RGS7: variants seen among roughly 807,000 people sequenced by gnomAD.
RGS7 encodes the protein regulator of G-protein signaling 7.
In RGS7, 27 loss-of-function variants were observed where a neutral mutation model predicts 81.1. That is an observed-to-expected ratio of 0.33 (90% CI 0.25 to 0.46). The LOEUF (loss-of-function observed/expected upper bound fraction) is 0.46, where lower values mean the gene tolerates loss of function less well. Ranked by LOEUF, RGS7 falls within the 20% of genes least tolerant of loss-of-function variation. The pLI, the probability that RGS7 is intolerant of heterozygous loss-of-function variation, is 1.00. For synonymous variants in RGS7, 208 were observed against 207.7 expected (o/e 1.00, Z -0.01); for missense variants, 396 against 607.4 (o/e 0.65, Z 3.66).
intron 9 of RGS7, among the ~76,000 whole-genome samples, chr1:240,854,194 T>G (rs1227154039): frequency 6.6e-6 from 1 of 152,146 alleles, no homozygotes; most frequent in Admixed American, 6.5e-5. Flanking sequence ...CAGGCATTAA[T>G]TGCACGTGCA....
At chr1:241,002,628 T>C (rs956638590) in intron 3 of RGS7, among the ~76,000 whole-genome samples, 1 of 152,190 alleles carries the variant, frequency 6.6e-6, no homozygotes, top group Non-Finnish European at 1.5e-5. Flanking sequence ...TAGACACAGT[T>C]CATGAGAGCA....
intron 2 of RGS7, among the ~76,000 whole-genome samples, chr1:241,167,908 G>T (rs529354725): frequency 6.6e-6 from 1 of 152,142 alleles, no homozygotes; most frequent in Non-Finnish European, 1.5e-5. Context: ...TACTCCTGGG[G>T]TGGTGTGGTC....
intron 2 of RGS7, among the ~76,000 whole-genome samples, chr1:241,186,155 T>C (rs2072080573): frequency 2.0e-5 from 3 of 152,138 alleles, no homozygotes; most frequent in South Asian, 4.2e-4. Flanking sequence ...AAAGACAGCA[T>C]CAATATTTAA....
intron 6 of RGS7, among the ~76,000 whole-genome samples, chr1:240,917,722 A>G (rs1012921990): frequency 6.6e-6 from 1 of 152,216 alleles, no homozygotes; most frequent in Admixed American, 6.5e-5. Flanking sequence ...AATATAAAAC[A>G]GTTATAAACA....
intron 9 of RGS7, among the ~76,000 whole-genome samples, chr1:240,849,933 T>C (rs1572404350): frequency 6.6e-6 from 1 of 152,328 alleles, no homozygotes; most frequent in East Asian, 1.9e-4. Context: ...AGAAAGTTTA[T>C]ATATGATCAC....
intron 5 of RGS7, among the ~76,000 whole-genome samples, chr1:240,936,372 A>G (rs748215252): frequency 1.4e-4 from 21 of 152,246 alleles, no homozygotes; most frequent in African/African-American, 3.4e-4. Flanking sequence ...TAGAAATTCA[A>G]TCATCACACA....
chr1:241,015,748 T>C (rs1351687127), intron 3 of RGS7, among the ~76,000 whole-genome samples: 1 of 152,252 alleles, frequency 6.6e-6, no homozygotes, highest in East Asian at 1.9e-4. Flanking sequence ...TAGGATAATT[T>C]CATTTAGATA....
chr1:241,129,943 C>T lies in RGS7; in HGVS notation c.79-31181G>A, dbSNP rs1016233575. On this transcript the variant is annotated intron_variant, in intron 2 of 18. Coordinates refer to ENST00000440928, the MANE Select transcript of RGS7 (RefSeq NM_001364886.1). ...AATTGCTTTTCAAGAATTCCTATTA[C>T]TTCAAATTAAAGATGTAACTGAGTG... Among the ~76,000 whole-genome samples, 6 of 152,288 alleles carry T rather than the reference C, an allele frequency of 3.9e-5. No individual in the cohort carries two copies. The South Asian group carries it at 6.2e-4, about 16-fold the overall frequency.
intron 9 of RGS7, among the ~76,000 whole-genome samples, chr1:240,851,753 T>G (rs1193327365): frequency 6.6e-6 from 1 of 152,054 alleles, no homozygotes; most frequent in Non-Finnish European, 1.5e-5. Context: ...CCCTTAGGGA[T>G]GATTAAGGGA....
rs115490670 is a variant in RGS7, at chr1:241,094,425, C to T, written c.175+4241G>A. 9.7e-3 allele frequency among the ~76,000 whole-genome samples: 1,476 copies of T among 152,240 alleles called. 28 individuals carry two copies. The highest frequency in any genetic ancestry group is 0.034 in the African/African-American group (1,393 of 41,538). On this transcript the variant is annotated intron_variant, in intron 3 of 18. Transcript: ENST00000440928. Reference sequence around the variant, plus strand: ...AGGTCACATACAACCTGTGCAGCTGCCTGAGCTATCTCTGCAGCTGAGAAG... The same window carrying T: ...AGGTCACATACAACCTGTGCAGCTGTCTGAGCTATCTCTGCAGCTGAGAAG...
At chr1:240,934,048 T>A (rs1239463128) in intron 5 of RGS7, among the ~76,000 whole-genome samples, 1 of 152,002 alleles carries the variant, frequency 6.6e-6, no homozygotes, top group Non-Finnish European at 1.5e-5. Context: ...ACTGCAACCT[T>A]CGCCTCCTGG....
intron 3 of RGS7, among the ~76,000 whole-genome samples, chr1:241,004,446 T>C (rs1365314818): frequency 2.0e-5 from 3 of 152,054 alleles, no homozygotes; most frequent in South Asian, 2.1e-4. Context: ...AACAGATAAA[T>C]AGATCATATA....
chr1:241,083,293 AAAAAG>A (rs1553412750), intron 3 of RGS7, among the ~76,000 whole-genome samples: 3 of 143,736 alleles, frequency 2.1e-5, no homozygotes, highest in Admixed American at 6.9e-5. Flanking sequence ...CAAGACAAAA[AAAAAG>A]AAAAGAAAAG....
At chr1:240,819,174 G>A (rs1378147965) in intron 10 of RGS7, among the ~76,000 whole-genome samples, 1 of 152,054 alleles carries the variant, frequency 6.6e-6, no homozygotes, top group Non-Finnish European at 1.5e-5. Context: ...AAAAGACTCT[G>A]AGACTTGAAG....
In RGS7 at chr1:240,817,258, T is replaced by C. The variant is rs531667322; in HGVS notation, c.685-843A>G. 3.9e-5 allele frequency among the ~76,000 whole-genome samples: 6 copies of C among 152,296 alleles called. No homozygotes were observed. In the South Asian group the frequency reaches 1.2e-3, roughly 32 times the overall value. On this transcript the variant is annotated intron_variant, in intron 10 of 18. Transcript: ENST00000440928. ...ATATCAAAGTATTATTCCTTTAAAATAAAGAATTTAATGTGTGTTATTGAG... is the reference window on the plus strand; with the variant it reads ...ATATCAAAGTATTATTCCTTTAAAACAAAGAATTTAATGTGTGTTATTGAG...
chr1:241,269,413 A>G (rs544737036), intron 2 of RGS7, among the ~76,000 whole-genome samples: 100 of 152,234 alleles, frequency 6.6e-4, no homozygotes, highest in Non-Finnish European at 1.2e-3. Context: ...TCCATCCCAG[A>G]GGGCCCTCGA....
At chr1:240,806,912 A>C (rs1310565834) in intron 14 of RGS7, among the ~76,000 whole-genome samples, 4 of 152,212 alleles carry the variant, frequency 2.6e-5, no homozygotes, top group Non-Finnish European at 1.5e-5. Flanking sequence ...TAAGATCAGA[A>C]AATGCTCTGG....
chr1:240,802,186 C>T (rs1483332037), intron 16 of RGS7, among the ~76,000 whole-genome samples: 1 of 152,100 alleles, frequency 6.6e-6, no homozygotes, highest in Non-Finnish European at 1.5e-5. Flanking sequence ...AATTTAAACT[C>T]AGAGTTTCAA....
At chr1:241,112,987 C>T (rs534781801) in intron 2 of RGS7, among the ~76,000 whole-genome samples, 1 of 152,306 alleles carries the variant, frequency 6.6e-6, no homozygotes, top group East Asian at 1.9e-4. Flanking sequence ...AGGTTCTGCA[C>T]AGGACCTAGT....
Sources: gnomAD v4.1 joint callset for allele counts (sites outside exome capture counted in the v4.1 genomes callset) on GRCh38, gnomAD v4.1.1 for gene constraint, MANE v1.5 for transcripts, NCBI Gene and HGNC (gene_info 2026-07-23, HGNC 2026-07-21) for gene names.